Variants in CPEB4 observed in about 807,000 individuals in gnomAD.
CPEB4 encodes the protein cytoplasmic polyadenylation element binding protein 4, also known as cytoplasmic polyadenylation element-binding protein 4.
In CPEB4, 12 loss-of-function variants were observed where a neutral mutation model predicts 72.5. The ratio of observed to expected loss-of-function variants is 0.17; its 90% CI spans 0.11 to 0.27. CPEB4 has a LOEUF of 0.27. CPEB4 is among the 10% of genes least tolerant of loss of function. The pLI is 1.00. For synonymous variants in CPEB4, 302 were observed against 326.3 expected (o/e 0.93, Z 0.80); for missense variants, 614 against 908.5 (o/e 0.68, Z 4.17).
At chr5:173,951,542 A>C (rs1161135694) in intron 7 of CPEB4, among the ~76,000 whole-genome samples, 1 of 152,200 alleles carries the variant, frequency 6.6e-6, no homozygotes, top group Non-Finnish European at 1.5e-5. Context: ...GGCCCAAATA[A>C]GCTGAAAAAC....
At chr5:173,954,733 A>G (rs1758323923) in intron 9 of CPEB4, among the ~76,000 whole-genome samples, 1 of 152,146 alleles carries the variant, frequency 6.6e-6, no homozygotes, top group Non-Finnish European at 1.5e-5. Flanking sequence ...TTATTCCAAC[A>G]TAAGTTTCAG....
rs1480821194 is a variant in CPEB4, at chr5:173,956,225, C to A, written c.*88C>A. The A allele has an allele frequency of 4.0e-6, 4 of 997,776 alleles. No individual in the cohort carries two copies. Among genetic ancestry groups the A allele is most frequent in the Non-Finnish European group, 6.2e-6 (4 of 640,866 alleles). 61.8% of individuals were successfully genotyped at this position (997,776 alleles called of 1,614,324 possible). A position where few individuals can be genotyped will look rare whatever the true frequency, so the allele number is the denominator to read the frequency against. ...CCCTTCCTCAACCTCTTCACGCTGG[C>A]ATGTCCTTTTGTAGCAGTCTGTAAC... On this transcript the variant is annotated 3_prime_UTR_variant, in exon 10 of 10. Transcript: ENST00000265085.
intron 3 of CPEB4, among the ~76,000 whole-genome samples, chr5:173,936,013 A>G (rs1757608377): frequency 2.6e-5 from 4 of 152,238 alleles, no homozygotes; most frequent in South Asian, 4.1e-4. Context: ...GAATGTTACA[A>G]TTCACACTCT....
intron 1 of CPEB4, among the ~76,000 whole-genome samples, chr5:173,903,180 C>T (rs1267549338): frequency 6.6e-6 from 1 of 152,068 alleles, no homozygotes; most frequent in Non-Finnish European, 1.5e-5. Context: ...TGGTGAGCCA[C>T]TCACCTCTTG....
chr5:173,952,631 G>A (rs1173066232), intron 8 of CPEB4, among the ~76,000 whole-genome samples: 4 of 151,866 alleles, frequency 2.6e-5, no homozygotes, highest in Admixed American at 2.6e-4. Context: ...AAAGAGTTTT[G>A]ATGGAAATAA....
At chr5:173,932,039 C>T (rs999126287) in intron 2 of CPEB4, among the ~76,000 whole-genome samples, 1 of 152,234 alleles carries the variant, frequency 6.6e-6, no homozygotes, top group Non-Finnish European at 1.5e-5. Flanking sequence ...CCTGTCTCTA[C>T]ATGTAGGCAT....
At chr5:173,948,150 TCTA>T (rs1758094186) in intron 5 of CPEB4, among the ~76,000 whole-genome samples, 2 of 152,196 alleles carry the variant, frequency 1.3e-5, no homozygotes, top group Non-Finnish European at 1.5e-5. Flanking sequence ...GGAAAACTCT[TCTA>T]CTGCACAATA....
intron 1 of CPEB4, among the ~76,000 whole-genome samples, chr5:173,896,087 T>G (rs1353783019): frequency 6.6e-6 from 1 of 152,246 alleles, no homozygotes; most frequent in South Asian, 2.1e-4. Context: ...TTTGACAGTT[T>G]CAGTTTATTT....
At chr5:173,903,717 G>A (rs1390919005) in intron 1 of CPEB4, among the ~76,000 whole-genome samples, 1 of 152,218 alleles carries the variant, frequency 6.6e-6, no homozygotes, top group African/African-American at 2.4e-5. Context: ...GATAGGAACA[G>A]ACCAGCAGGT....
chr5:173,928,668 A>G (rs1206720163), intron 2 of CPEB4, among the ~76,000 whole-genome samples: 1 of 152,220 alleles, frequency 6.6e-6, no homozygotes, highest in African/African-American at 2.4e-5. Flanking sequence ...ACTTACACCA[A>G]TATAGCAGAG....
intron 3 of CPEB4, among the ~76,000 whole-genome samples, chr5:173,939,618 C>T (rs558492869): frequency 3.5e-4 from 54 of 152,184 alleles, no homozygotes; most frequent in African/African-American, 1.3e-3. Flanking sequence ...TTTGATTCTG[C>T]ATATAGGGCT....
chr5:173,915,143 T>G (rs1377070483), intron 2 of CPEB4, among the ~76,000 whole-genome samples: 1 of 152,226 alleles, frequency 6.6e-6, no homozygotes, highest in African/African-American at 2.4e-5. Flanking sequence ...TTATTTTTAC[T>G]ATCAACAAAA....
At chr5:173,906,131 C>G (rs745727952) in intron 1 of CPEB4, among the ~76,000 whole-genome samples, 3 of 152,146 alleles carry the variant, frequency 2.0e-5, no homozygotes, top group Non-Finnish European at 4.4e-5. Context: ...TATATTTGAT[C>G]CAATTAACAA....
chr5:173,924,890 C>G (rs1331406949), intron 2 of CPEB4, among the ~76,000 whole-genome samples: 1 of 152,170 alleles, frequency 6.6e-6, no homozygotes, highest in Non-Finnish European at 1.5e-5. Context: ...TCTCATTGCC[C>G]TACAGCAAGA....
At position 173,943,907 on chromosome 5, in the gene CPEB4, A is replaced by C. The variant is rs530521984; in HGVS notation, c.1282+858A>C. Among the ~76,000 whole-genome samples, 3 of 152,358 alleles carry C rather than the reference A, an allele frequency of 2.0e-5. No individual in the cohort carries two copies. The East Asian group carries it at 5.8e-4, about 29-fold the overall frequency. ...TAGAAGATCCATTAACAAATTCCTC[A>C]TGTAGTACCTAGAAGTAAATTGGCA... On this transcript the variant is annotated intron_variant, in intron 4 of 9. Transcript: ENST00000265085.
At chr5:173,946,535 A>G (rs1187730012) in intron 5 of CPEB4, among the ~76,000 whole-genome samples, 1 of 152,208 alleles carries the variant, frequency 6.6e-6, no homozygotes, top group African/African-American at 2.4e-5. Context: ...GCTTGCAAGC[A>G]TGGAGAAAAT....
intron 2 of CPEB4, among the ~76,000 whole-genome samples, chr5:173,913,561 A>G (rs1458377561): frequency 6.6e-6 from 1 of 152,218 alleles, no homozygotes; most frequent in Non-Finnish European, 1.5e-5. Flanking sequence ...TAGCCAGGAC[A>G]TCTCTATCAG....
intron 2 of CPEB4, among the ~76,000 whole-genome samples, chr5:173,911,272 TG>T (rs1176451941): frequency 1.4e-5 from 2 of 146,044 alleles, no homozygotes; most frequent in African/African-American, 5.0e-5. Context: ...CGGGCTTGCA[TG>T]TTTTTATTTT....
intron 3 of CPEB4, among the ~76,000 whole-genome samples, chr5:173,937,305 A>G (rs184456990): frequency 1.5e-3 from 225 of 152,214 alleles, no homozygotes; most frequent in African/African-American, 5.1e-3. Flanking sequence ...GGCCTTCCAA[A>G]GTGCTGGGAT....
Sources: allele counts gnomAD v4.1 joint callset (sites outside exome capture counted in the v4.1 genomes callset), GRCh38; gene constraint gnomAD v4.1.1; transcripts MANE v1.5; gene names NCBI Gene and HGNC (gene_info 2026-07-23, HGNC 2026-07-21).